The following MAX variants were observed in gnomAD, a reference collection of about 807,000 sequenced individuals.
MAX encodes the protein protein max.
MAX carries 3 observed loss-of-function variants against 22.3 expected under a neutral mutation model. The observed-to-expected ratio is 0.13, with a 90% CI of 0.06 to 0.35. The LOEUF is 0.35. MAX is among the 10% of genes least tolerant of loss of function. MAX has a pLI of 1.00. For missense variants in MAX, 119 were observed against 209.4 expected, an observed-to-expected ratio of 0.57 and a Z score of 2.66; for synonymous variants, 72 against 77.7, an observed-to-expected ratio of 0.93 and a Z score of 0.39.
rs768181102 is a variant in MAX at position 65,076,401 on chromosome 14, G to A, written c.*75C>T. 2 of 1,611,348 alleles carry A rather than the reference G, an allele frequency of 1.2e-6. No individual in the cohort carries two copies. The highest frequency in any genetic ancestry group is 8.5e-7 in the Non-Finnish European group (1 of 1,179,860). On this transcript the variant is annotated 3_prime_UTR_variant, in exon 5 of 5. Transcript: ENST00000358664. This position sits in a 1 kb window ranked among gnomAD's most constrained non-coding sequence, Gnocchi z 6.6. ...AAGAGTCTCTTAAATGGTTCTGAGG[G>A]CTCTACCAACGAACTGAAAGGAGGA...
rs2063039168 is a variant in MAX at position 65,075,669 on chromosome 14, C to A, written c.*807G>T. The A allele has an allele frequency of 7.5e-6, 8 of 1,066,384 alleles. No individual in the cohort carries two copies. Among genetic ancestry groups the A allele is most frequent in the Non-Finnish European group, 9.1e-6 (8 of 879,818 alleles). 66.1% of individuals were successfully genotyped at this position (1,066,384 alleles called of 1,614,324 possible). A position where few individuals can be genotyped will look rare whatever the true frequency, so the allele number is the denominator to read the frequency against. On this transcript the variant is annotated 3_prime_UTR_variant, in exon 5 of 5. Coordinates refer to ENST00000358664, the MANE Select transcript of MAX (RefSeq NM_002382.5). This position sits in a 1 kb window ranked among gnomAD's most constrained non-coding sequence, Gnocchi z 4.1. ...AAATATCAAAACATCATCACTGGCC[C>A]TCAATACAAAACCTCTATGCCACCC...
At chr14:65,071,093 T>C (rs2062983627), downstream of MAX, among the ~76,000 whole-genome samples, 1 of 152,216 alleles carries the variant, frequency 6.6e-6, no homozygotes, top group Non-Finnish European at 1.5e-5. This position sits in a 1 kb window ranked among gnomAD's most constrained non-coding sequence, Gnocchi z 4.2. Flanking sequence ...TCAAGGATTT[T>C]AATATACTAA....
At chr14:65,061,395 G>A in intron 3 of MAX, 2 of 1,574,272 alleles carry the variant, frequency 1.3e-6, no homozygotes, top group Non-Finnish European at 1.7e-6. Flanking sequence ...ACTGCATTCT[G>A]TGCTACACAA....
chr14:65,012,072 A>G lies in MAX; in HGVS notation c.172-5788T>C. The G allele has an allele frequency of 2.2e-6, 1 of 454,958 alleles. No individual in the cohort carries two copies. The highest frequency in any genetic ancestry group is 4.1e-6 in the Non-Finnish European group (1 of 246,130). The allele number at this position is 454,958 out of a possible 1,614,324, so 28.2% of individuals were successfully genotyped here. A position where few individuals can be genotyped will look rare whatever the true frequency, so the allele number is the denominator to read the frequency against. The stretch of plus-strand genomic sequence containing the variant: ...TTAGCCCAAAGTCACTGCCTTTAGG[A>G]GACAATCGCACTCTAAATGTCAGCT... On this transcript the variant is annotated intron_variant, in intron 3 of 3. Transcript: ENST00000341653. This position sits in a 1 kb window ranked among gnomAD's most constrained non-coding sequence, Gnocchi z 5.0.
At chr14:65,016,685 T>A (rs2061779274) in intron 3 of MAX, among the ~76,000 whole-genome samples, 1 of 152,168 alleles carries the variant, frequency 6.6e-6, no homozygotes, top group African/African-American at 2.4e-5. Context: ...AACAATAACC[T>A]CTCATTCTTG....
intron 2 of MAX, 75 bp downstream of exon 2, chr14:65,101,469 ATC>A: frequency 1.6e-6 from 2 of 1,266,690 alleles, no homozygotes; most frequent in South Asian, 2.5e-5. Flanking sequence ...TAATAGTACG[ATC>A]TCTTTTTCTC....
intron 3 of MAX, chr14:65,083,624 G>A: frequency 1.6e-6 from 1 of 624,664 alleles, no homozygotes; most frequent in Non-Finnish European, 2.0e-6. Flanking sequence ...TAACTCTACT[G>A]AACACTTTTC....
At chr14:65,072,902 T>G (rs1330753283), downstream of MAX, among the ~76,000 whole-genome samples, 1 of 152,200 alleles carries the variant, frequency 6.6e-6, no homozygotes, top group East Asian at 1.9e-4. Flanking sequence ...TCACTGTGCC[T>G]GGTAAGGATG....
chr14:65,071,622 G>A (rs2062988885), downstream of MAX, among the ~76,000 whole-genome samples: 3 of 152,208 alleles, frequency 2.0e-5, no homozygotes, highest in South Asian at 6.2e-4. This position sits in a 1 kb window ranked among gnomAD's most constrained non-coding sequence, Gnocchi z 4.2. Flanking sequence ...CTCACATAAT[G>A]GCACAGGAAG....
At position 65,007,456 on chromosome 14, in the gene MAX, A is replaced by G. The variant is rs144964332; in HGVS notation, c.172-1172T>C. Among the ~76,000 whole-genome samples the G allele has an allele frequency of 5.9e-4, 90 of 152,334 alleles. No individual in the cohort carries two copies. Among genetic ancestry groups the G allele is most frequent in the Middle Eastern group, 3.4e-3 (1 of 294 alleles). On this transcript the variant is annotated intron_variant, in intron 3 of 3. Coordinates refer to the MAX transcript ENST00000341653. The surrounding 1 kb of genome is among the most constrained non-coding windows in gnomAD (Gnocchi z 4.9). ...ACGCACAGGTCCAGGGATGCCTGTGATGATGCTGAAGTAGGCATTTGCCTA... is the reference window on the plus strand; with the variant it reads ...ACGCACAGGTCCAGGGATGCCTGTGGTGATGCTGAAGTAGGCATTTGCCTA...
intron 3 of MAX, among the ~76,000 whole-genome samples, chr14:65,037,387 G>A (rs1175479963): frequency 3.1e-5 from 4 of 129,096 alleles, no homozygotes; most frequent in African/African-American, 6.1e-5. Flanking sequence ...ATAGGCGTGA[G>A]CCACCACGCC....
chr14:65,065,161 T>TAGGG (rs2062918565), intron 3 of MAX, among the ~76,000 whole-genome samples: 2 of 152,118 alleles, frequency 1.3e-5, no homozygotes. Flanking sequence ...TCTTTCCTAT[T>TAGGG]AGGGGATGGT....
chr14:65,076,070 G>A lies in MAX; in HGVS notation c.*406C>T. On this transcript the variant is annotated 3_prime_UTR_variant, in exon 5 of 5. Coordinates refer to ENST00000358664, the MANE Select transcript of MAX (RefSeq NM_002382.5). The surrounding 1 kb of genome is among the most constrained non-coding windows in gnomAD (Gnocchi z 6.6). ...TTCACAAAGTCTATCAGAGGTGAGG[G>A]CGGGCCAGGAGGCCACCTGGGCAGG... 1 of 1,223,786 alleles carries A rather than the reference G, an allele frequency of 8.2e-7. No homozygotes were observed. Among genetic ancestry groups the A allele is most frequent in the Non-Finnish European group, 1.0e-6 (1 of 977,700 alleles). The allele number at this position is 1,223,786 out of a possible 1,614,324, so 75.8% of individuals were successfully genotyped here.
At position 65,012,300 on chromosome 14, in the gene MAX, A is replaced by G; in HGVS notation, c.172-6016T>C. 6.2e-7 allele frequency: 1 copy of G among 1,613,992 alleles called. No individual in the cohort carries two copies. Among genetic ancestry groups the G allele is most frequent in the South Asian group, 1.1e-5 (1 of 91,078 alleles). On this transcript the variant is annotated intron_variant, in intron 3 of 3. Coordinates refer to the MAX transcript ENST00000341653. This position sits in a 1 kb window ranked among gnomAD's most constrained non-coding sequence, Gnocchi z 5.0. ...ATAAGCTATTAGAATGGGCTTATAA[A>G]CTGTTTGTCTTTCCAGGCTTGTTTT...
At chr14:65,094,636 G>T (rs541805678) in intron 2 of MAX, among the ~76,000 whole-genome samples, 15 of 152,344 alleles carry the variant, frequency 9.8e-5, no homozygotes, top group Admixed American at 3.9e-4. Flanking sequence ...AGCCTGCTTG[G>T]AATCACAAAG....
chr14:65,070,433 C>T (rs966915723), downstream of MAX, among the ~76,000 whole-genome samples: 4 of 152,164 alleles, frequency 2.6e-5, no homozygotes, highest in African/African-American at 9.7e-5. The surrounding 1 kb of genome is among the most constrained non-coding windows in gnomAD (Gnocchi z 4.4). Flanking sequence ...TGTGGGTATA[C>T]AAGAGCCCCA....
intron 3 of MAX, chr14:65,090,733 G>C (rs1326558433): frequency 6.6e-6 from 1 of 152,146 alleles, no homozygotes; most frequent in Non-Finnish European, 1.5e-5. Context: ...TCAAACGCCT[G>C]GGTTCAAGCG....
chr14:65,028,690 A>G lies in MAX; in HGVS notation c.172-22406T>C, dbSNP rs537512745. Reference sequence around the variant, plus strand: ...GGCCTTTAGTTCAAGATGTTCTTCTATCTCTAACTTGTCTAATCCAACCAA... The same window carrying G: ...GGCCTTTAGTTCAAGATGTTCTTCTGTCTCTAACTTGTCTAATCCAACCAA... On this transcript the variant is annotated intron_variant, in intron 3 of 3. Transcript: ENST00000341653. The surrounding 1 kb of genome is among the most constrained non-coding windows in gnomAD (Gnocchi z 4.4). Among the ~76,000 whole-genome samples the G allele has an allele frequency of 4.6e-5, 7 of 152,308 alleles. No individual in the cohort carries two copies. The South Asian group carries it at 1.2e-3, about 27-fold the overall frequency.
Position 65,009,673 on chromosome 14 carries a change from A to T in MAX, c.172-3389T>A, listed in dbSNP as rs1247796392. 6.6e-6 allele frequency among the ~76,000 whole-genome samples: 1 copy of T among 152,000 alleles called. No individual in the cohort carries two copies. The highest frequency in any genetic ancestry group is 1.5e-5 in the Non-Finnish European group (1 of 67,990). On this transcript the variant is annotated intron_variant, in intron 3 of 3. Transcript: ENST00000341653. The surrounding 1 kb of genome is among the most constrained non-coding windows in gnomAD (Gnocchi z 4.2). ...TTTCCTCTGAGCTTTTGCATTTCTA[A>T]TGTGGAATTTCTCTGCTTACTGCCT...
Sources: allele counts gnomAD v4.1 joint callset (sites outside exome capture counted in the v4.1 genomes callset), GRCh38; gene constraint gnomAD v4.1.1; non-coding constraint Gnocchi (gnomAD v3.1); transcripts MANE v1.5; gene names NCBI Gene and HGNC (gene_info 2026-07-23, HGNC 2026-07-21).